Variants in ACOXL observed in about 807,000 individuals in gnomAD.
ACOXL encodes acyl-CoA oxidase like, also known as acyl-coenzyme A oxidase-like protein.
A neutral mutation model predicts 71.9 loss-of-function variants in ACOXL; 70 were observed. The ratio of observed to expected loss-of-function variants is 0.97; its 90% CI spans 0.80 to 1.19. The LOEUF is 1.19. Among genes scored for constraint, ACOXL ranks in the 50% most tolerant of loss-of-function variants. ACOXL has a pLI of 0.00. For synonymous variants in ACOXL, 253 were observed against 281.6 expected (o/e 0.90, Z 1.02); for missense variants, 703 against 736.3 (o/e 0.95, Z 0.52).
intron 3 of ACOXL, among the ~76,000 whole-genome samples, chr2:110,789,880 T>C (rs1262506510): frequency 6.6e-6 from 1 of 152,254 alleles, no homozygotes; most frequent in Non-Finnish European, 1.5e-5. Flanking sequence ...AGGAATGGCC[T>C]GGCCTATTGC....
chr2:110,974,809 G>C (rs566664547), intron 12 of ACOXL, among the ~76,000 whole-genome samples: 91 of 152,282 alleles, frequency 6.0e-4, no homozygotes, highest in African/African-American at 2.1e-3. Flanking sequence ...CTTATGTCCA[G>C]AAGAGCACAA....
intron 12 of ACOXL, among the ~76,000 whole-genome samples, chr2:110,956,269 A>C (rs1490219974): frequency 6.6e-6 from 1 of 152,098 alleles, no homozygotes; most frequent in Non-Finnish European, 1.5e-5. Context: ...CTCTCTCATG[A>C]GGACAGGGCC....
chr2:111,027,234 C>A (rs2065055628), intron 14 of ACOXL, among the ~76,000 whole-genome samples: 2 of 151,466 alleles, frequency 1.3e-5, no homozygotes, highest in Non-Finnish European at 2.9e-5. Flanking sequence ...GGGGTCTTAT[C>A]TTTGTAAAGG....
rs373351262 is a variant in ACOXL at position 110,981,410 on chromosome 2, A to G, written c.1060-5698A>G. On this transcript the variant is annotated intron_variant, in intron 12 of 17. Coordinates refer to ENST00000439055, the MANE Select transcript of ACOXL (RefSeq NM_001142807.4). ...AGCCCCACCGCTTCCTGGCTATGTG[A>G]CCCTGGCAACTGGCTGAACCTCTCT... Among the ~76,000 whole-genome samples the G allele has an allele frequency of 1.7e-4, 26 of 152,232 alleles. No individual in the cohort carries two copies. In the East Asian group the frequency reaches 4.8e-3, roughly 28 times the overall value.
Position 110,996,616 on chromosome 2 carries a change from T to G in ACOXL, c.1281+612T>G, listed in dbSNP as rs1161753623. ...AAGGCTTTACTGCTCCTATTCTATG[T>G]CCAGGCCAGGGGCTCAGGGCTACCA... On this transcript the variant is annotated intron_variant, in intron 14 of 17. Transcript: ENST00000439055. Among the ~76,000 whole-genome samples, 61 of 152,200 alleles carry G rather than the reference T, an allele frequency of 4.0e-4. 2 individuals are homozygous for G. Among genetic ancestry groups the G allele is most frequent in the Admixed American group, 4.0e-3 (61 of 15,282 alleles).
intron 13 of ACOXL, 66 bp downstream of exon 13, chr2:110,987,283 G>C (rs1190305435): frequency 1.8e-5 from 25 of 1,416,378 alleles, no homozygotes; most frequent in Non-Finnish European, 2.4e-5. Context: ...AGTTCATACA[G>C]CCTTGGCATA....
intron 17 of ACOXL, among the ~76,000 whole-genome samples, chr2:111,107,716 G>A (rs935813406): frequency 2.6e-5 from 4 of 152,312 alleles, no homozygotes; most frequent in South Asian, 2.1e-4. Context: ...TTGAACTCCC[G>A]ATCTCATGTG....
chr2:110,975,129 A>G (rs1044357149), intron 12 of ACOXL, among the ~76,000 whole-genome samples: 1 of 152,216 alleles, frequency 6.6e-6, no homozygotes, highest in Non-Finnish European at 1.5e-5. Flanking sequence ...GAGACCAAGC[A>G]CATATCTGTT....
At chr2:111,067,350 T>C (rs1287399427) in intron 16 of ACOXL, among the ~76,000 whole-genome samples, 2 of 152,068 alleles carry the variant, frequency 1.3e-5, no homozygotes, top group Admixed American at 1.3e-4. Context: ...CCTTTAAACT[T>C]TGAGAAAGGA....
intron 9 of ACOXL, among the ~76,000 whole-genome samples, chr2:110,819,613 G>A (rs779687003): frequency 5.3e-5 from 8 of 152,194 alleles, no homozygotes; most frequent in Non-Finnish European, 1.2e-4. Flanking sequence ...GCGAAGAGGA[G>A]GGAATTCAAG....
chr2:110,935,811 C>T (rs532930083), intron 12 of ACOXL, among the ~76,000 whole-genome samples: 134 of 134,446 alleles, frequency 1.0e-3, no homozygotes, highest in Admixed American at 6.7e-3. Flanking sequence ...TTTGGCACCA[C>T]GGACTGGTTT....
At chr2:110,873,722 CCG>C in intron 10 of ACOXL, among the ~76,000 whole-genome samples, 1 of 152,142 alleles carries the variant, frequency 6.6e-6, no homozygotes, top group Non-Finnish European at 1.5e-5. Flanking sequence ...AAAAGGGCCC[CCG>C]TTGGGAGGGG....
chr2:111,088,385 A>C (rs187235006), intron 16 of ACOXL, among the ~76,000 whole-genome samples: 2 of 152,232 alleles, frequency 1.3e-5, no homozygotes, highest in African/African-American at 4.8e-5. Context: ...AAAGACATGC[A>C]ATCAACCTAA....
rs139669011 is a variant in ACOXL, at chr2:111,066,516, T to C, written c.1440+17228T>C. ...GTTGTGATGTTGTACTATAGTTTTT[T>C]AAGATGTTACCATTGGGCGAAACTG... is the stretch of plus-strand genomic sequence containing the variant. On this transcript the variant is annotated intron_variant, in intron 16 of 17. Transcript: ENST00000439055. 8.7e-3 allele frequency among the ~76,000 whole-genome samples: 1,320 copies of C among 152,276 alleles called. 12 individuals are homozygous for C. Among genetic ancestry groups the C allele is most frequent in the African/African-American group, 0.029 (1,221 of 41,540 alleles).
chr2:110,854,596 C>G (rs1693021917), intron 10 of ACOXL, among the ~76,000 whole-genome samples: 1 of 152,122 alleles, frequency 6.6e-6, no homozygotes, highest in South Asian at 2.1e-4. Flanking sequence ...AGGCCATGCT[C>G]ATGGAAAATT....
At chr2:110,973,321 T>C (rs1306846907) in intron 12 of ACOXL, among the ~76,000 whole-genome samples, 1 of 152,236 alleles carries the variant, frequency 6.6e-6, no homozygotes, top group Non-Finnish European at 1.5e-5. Flanking sequence ...TGAATGTTTA[T>C]GTCTTTCCAT....
intron 14 of ACOXL, among the ~76,000 whole-genome samples, chr2:111,009,889 A>C (rs1270276272): frequency 1.3e-5 from 2 of 152,216 alleles, no homozygotes; most frequent in Non-Finnish European, 2.9e-5. Flanking sequence ...CAACCAAAAG[A>C]GGCTAAAGGC....
chr2:110,992,080 C>T (rs780520183), intron 13 of ACOXL, among the ~76,000 whole-genome samples: 10 of 152,142 alleles, frequency 6.6e-5, no homozygotes, highest in Non-Finnish European at 1.5e-4. Flanking sequence ...TTTGGAAGCA[C>T]GACACGCTCT....
chr2:110,739,426 C>T (rs564101351), intron 1 of ACOXL, among the ~76,000 whole-genome samples: 5 of 152,336 alleles, frequency 3.3e-5, no homozygotes, highest in African/African-American at 1.2e-4. Context: ...GAAAACCATC[C>T]TCCTTTCTCA....
Sources: gnomAD v4.1 joint callset for allele counts (sites outside exome capture counted in the v4.1 genomes callset) on GRCh38, gnomAD v4.1.1 for gene constraint, MANE v1.5 for transcripts, NCBI Gene and HGNC (gene_info 2026-07-23, HGNC 2026-07-21) for gene names.